The following COL23A1 variants were observed in gnomAD, a reference collection of about 807,000 sequenced individuals.
COL23A1 encodes collagen type XXIII alpha 1 chain, also known as collagen alpha-1(XXIII) chain.
Under a neutral mutation model 99.3 loss-of-function variants are expected in COL23A1, and 97 were observed. That is an observed-to-expected ratio of 0.98 (90% CI 0.83 to 1.16). The LOEUF (loss-of-function observed/expected upper bound fraction) is 1.16, where lower values mean the gene tolerates loss of function less well. Ranked by LOEUF, COL23A1 falls within the 50% of genes most tolerant of loss-of-function variation. The probability of loss-of-function intolerance (pLI) is 0.00; values close to 1 mark genes in which losing one functional copy is unlikely to be tolerated. For synonymous variants in COL23A1, 320 were observed against 308.2 expected (o/e 1.04, Z -0.40); for missense variants, 762 against 757.4 (o/e 1.01, Z -0.07).
At chr5:178,353,178 G>A (rs1761425493) in intron 2 of COL23A1, among the ~76,000 whole-genome samples, 2 of 152,116 alleles carry the variant, frequency 1.3e-5, no homozygotes, top group Admixed American at 6.5e-5. Flanking sequence ...AATGGGTGAA[G>A]TGAATTATGG....
intron 2 of COL23A1, among the ~76,000 whole-genome samples, chr5:178,482,298 CTAGA>C (rs1419233302): frequency 2.0e-5 from 3 of 152,000 alleles, no homozygotes; most frequent in Non-Finnish European, 4.4e-5. Flanking sequence ...ATACATGCTA[CTAGA>C]TAGACAGATG....
chr5:178,582,542 C>T (rs542610461), intron 1 of COL23A1, among the ~76,000 whole-genome samples: 1 of 152,302 alleles, frequency 6.6e-6, no homozygotes, highest in South Asian at 2.1e-4. Context: ...GTCCTGAAAG[C>T]AGAGGACAGC....
rs1758341772 is a variant in COL23A1 at position 178,306,169 on chromosome 5, G to A, written c.406+706C>T. Among the ~76,000 whole-genome samples, 1 of 152,108 alleles carries A rather than the reference G, an allele frequency of 6.6e-6. No individual in the cohort carries two copies. Among genetic ancestry groups the A allele is most frequent in the Non-Finnish European group, 1.5e-5 (1 of 67,994 alleles). ...TCACAGATGAGGGAGGAAGCGCAGGGAGGAAGCGCAGCCCAGACAGCCGGG... is the reference window on the plus strand; with the variant it reads ...TCACAGATGAGGGAGGAAGCGCAGGAAGGAAGCGCAGCCCAGACAGCCGGG... On this transcript the variant is annotated intron_variant, in intron 3 of 28. Transcript: ENST00000390654. The surrounding 1 kb of genome is among the most constrained non-coding windows in gnomAD (Gnocchi z 4.1).
At chr5:178,540,531 A>T (rs1761228301) in intron 2 of COL23A1, among the ~76,000 whole-genome samples, 1 of 152,216 alleles carries the variant, frequency 6.6e-6, no homozygotes, top group Non-Finnish European at 1.5e-5. Flanking sequence ...ACTCAAATAC[A>T]TGGAGAGAGA....
intron 4 of COL23A1, among the ~76,000 whole-genome samples, chr5:178,289,095 A>G (rs752904252): frequency 1.3e-5 from 2 of 152,130 alleles, no homozygotes; most frequent in Non-Finnish European, 2.9e-5. Flanking sequence ...CTTGAAGCCA[A>G]TAAATCAACA....
intron 2 of COL23A1, among the ~76,000 whole-genome samples, chr5:178,550,657 A>G (rs1354923856): frequency 6.6e-6 from 1 of 152,166 alleles, no homozygotes; most frequent in African/African-American, 2.4e-5. Context: ...CGGCATAAGA[A>G]GTCAGGTAAG....
At chr5:178,446,954 A>C (rs1767193902) in intron 2 of COL23A1, among the ~76,000 whole-genome samples, 1 of 152,236 alleles carries the variant, frequency 6.6e-6, no homozygotes, top group Admixed American at 6.5e-5. Flanking sequence ...TTATGAGAAT[A>C]AATCATGCTC....
chr5:178,311,244 G>C (rs1758652608), intron 2 of COL23A1, among the ~76,000 whole-genome samples: 1 of 151,758 alleles, frequency 6.6e-6, no homozygotes, highest in East Asian at 1.9e-4. Flanking sequence ...GGGAAGCTGT[G>C]TCTTCTGAGC....
rs896757255 is a variant in COL23A1 at position 178,557,733 on chromosome 5, AGAGCCTTG to A, written c.361+2941_361+2948del. Reference sequence around the variant, plus strand: ...TCCAAAAGCCCGAGGGACACGCTGGAGAGCCTTGGAGCCTTGGAGCCGGGAAGAATAGG... The same window carrying A: ...TCCAAAAGCCCGAGGGACACGCTGGAGAGCCTTGGAGCCGGGAAGAATAGG... On this transcript the variant is annotated intron_variant, in intron 2 of 28. Transcript: ENST00000390654. Among the ~76,000 whole-genome samples the A allele has an allele frequency of 5.9e-5, 9 of 152,202 alleles. No homozygotes were observed. The South Asian group carries it at 6.2e-4, about 10-fold the overall frequency.
At chr5:178,247,068 C>T (rs539192281) in intron 22 of COL23A1, among the ~76,000 whole-genome samples, 1 of 152,068 alleles carries the variant, frequency 6.6e-6, no homozygotes, top group South Asian at 2.1e-4. Context: ...AGGCCACACT[C>T]GAGGACTTAA....
chr5:178,239,172 T>C lies in COL23A1; in HGVS notation c.1589A>G (p.Asp530Gly). The stretch of plus-strand genomic sequence containing the variant: ...CCAGCAGCCAGGCACAGGCAGCCCG[T>C]CGGGGCCCTGGAAAGGAAGAAGGTT... ...GLDQPCPVGP[D>G]GLPVPGCWHK The change falls in exon 28 of 29, where the codon GAC becomes GGC. Residue 530 changes from aspartate (D) to glycine (G), a missense_variant. Transcript: ENST00000390654. 1 of 1,613,272 alleles carries C rather than the reference T, an allele frequency of 6.2e-7. No individual in the cohort carries two copies. Among genetic ancestry groups the C allele is most frequent in the Non-Finnish European group, 8.5e-7 (1 of 1,179,622 alleles).
chr5:178,265,663 T>C (rs915178738), intron 8 of COL23A1: 6 of 985,728 alleles, frequency 6.1e-6, no homozygotes, highest in Non-Finnish European at 7.2e-6. Context: ...ACCTTGAGGA[T>C]CCGGCGATTG....
At chr5:178,465,493 C>A (rs1756367806) in intron 2 of COL23A1, among the ~76,000 whole-genome samples, 1 of 152,216 alleles carries the variant, frequency 6.6e-6, no homozygotes, top group Non-Finnish European at 1.5e-5. Flanking sequence ...ACCCCTCTGA[C>A]ATGGGCCTCC....
intron 2 of COL23A1, among the ~76,000 whole-genome samples, chr5:178,512,401 A>C (rs376202611): frequency 6.6e-6 from 1 of 152,232 alleles, no homozygotes; most frequent in Non-Finnish European, 1.5e-5. Context: ...GAAAGAGTGA[A>C]TCATTTATGG....
At chr5:178,311,511 T>TGTGTGC (rs1758675946) in intron 2 of COL23A1, among the ~76,000 whole-genome samples, 3 of 54,234 alleles carry the variant, frequency 5.5e-5, no homozygotes, top group African/African-American at 1.6e-4. Context: ...TGTGTGCGCG[T>TGTGTGC]GTGTGTGTGT....
intron 2 of COL23A1, among the ~76,000 whole-genome samples, chr5:178,341,890 T>A (rs1760689379): frequency 2.0e-5 from 3 of 152,132 alleles, no homozygotes; most frequent in African/African-American, 7.2e-5. Flanking sequence ...TGCCTTCACG[T>A]CTTTGCTCAC....
intron 2 of COL23A1, among the ~76,000 whole-genome samples, chr5:178,537,144 C>A (rs1761011877): frequency 6.6e-6 from 1 of 152,184 alleles, no homozygotes; most frequent in Non-Finnish European, 1.5e-5. Context: ...GGGAGGGGGT[C>A]CCACATACAG....
intron 2 of COL23A1, among the ~76,000 whole-genome samples, chr5:178,553,521 T>C (rs76341701): frequency 6.6e-6 from 1 of 152,224 alleles, no homozygotes; most frequent in Non-Finnish European, 1.5e-5. Flanking sequence ...CCAAGCACAA[T>C]GTCTCTGCAA....
chr5:178,289,127 C>T (rs926563744), intron 4 of COL23A1, among the ~76,000 whole-genome samples: 3 of 152,032 alleles, frequency 2.0e-5, no homozygotes, highest in Admixed American at 1.3e-4. Context: ...TCTTGCTTGG[C>T]TCACGGTGGG....
Sources: allele counts gnomAD v4.1 joint callset (sites outside exome capture counted in the v4.1 genomes callset), GRCh38; gene constraint gnomAD v4.1.1; non-coding constraint Gnocchi (gnomAD v3.1); transcripts MANE v1.5; gene names NCBI Gene and HGNC (gene_info 2026-07-23, HGNC 2026-07-21).